Variants in DMD observed in about 807,000 individuals in gnomAD.
DMD encodes mutant dystrophin.
Under a neutral mutation model 330.1 loss-of-function variants are expected in DMD, and 63 were observed. The observed-to-expected ratio is 0.19, with a 90% CI of 0.16 to 0.24. DMD has a LOEUF of 0.24. Ranked by LOEUF, DMD falls within the 10% of genes least tolerant of loss-of-function variation. The pLI is 1.00. For synonymous variants in DMD, 1,223 were observed against 959.8 expected (o/e 1.27, Z -5.07); for missense variants, 3,344 against 2,684.1 (o/e 1.25, Z -5.43).
intron 49 of DMD, among the ~76,000 whole-genome samples, chrX:31,826,365 C>T (rs912384345): frequency 8.9e-6 from 1 of 112,399 alleles, no homozygotes; most frequent in African/African-American, 3.2e-5. Context: ...TTAGCAAATA[C>T]TTATGAAATG....
chrX:32,167,507 A>T (rs974393339), intron 44 of DMD, among the ~76,000 whole-genome samples: 1 of 112,128 alleles, frequency 8.9e-6, no homozygotes, highest in Non-Finnish European at 1.9e-5. Context: ...ATTAAAGGAG[A>T]TAAGTCTTCA....
At chrX:32,916,931 A>G (rs66655307) in intron 2 of DMD, among the ~76,000 whole-genome samples, 20,107 of 111,119 alleles carry the variant, frequency 0.18, 1,559 homozygotes, top group African/African-American at 0.29. Flanking sequence ...GGATATCCCA[A>G]TTACTCTGAT....
rs61394183 is a variant in DMD, at chrX:32,585,699, CAAAAAAAAAAAA to C, written c.1602+10046_1602+10057del. On this transcript the variant is annotated intron_variant, in intron 13 of 78. Transcript: ENST00000357033. Reference sequence around the variant, plus strand: ...TGGGTGACAGAGCAGGACTCCGTCTCAAAAAAAAAAAAAAAAAAAAAAAAAAAAAAAGAATAT... The same window carrying C: ...TGGGTGACAGAGCAGGACTCCGTCTCAAAAAAAAAAAAAAAAAAAGAATAT... 3.9e-3 allele frequency among the ~76,000 whole-genome samples: 123 copies of C among 31,930 alleles called. 2 individuals carry two copies. The highest frequency in any genetic ancestry group is 0.017 in the South Asian group (3 of 181). The allele number at this position is 31,930 out of a possible 115,157, so 27.7% of individuals were successfully genotyped here. A position where few individuals can be genotyped will look rare whatever the true frequency, so the allele number is the denominator to read the frequency against.
rs1277668048 is a variant in DMD at position 32,965,538 on chromosome X, T to C, written c.93+54601A>G. On this transcript the variant is annotated intron_variant, in intron 2 of 78. Coordinates refer to ENST00000357033, the MANE Select transcript of DMD (RefSeq NM_004006.3). Reference sequence around the variant, plus strand: ...GTGGGGTGGGGGGGTTACTTGGGAATACAGTCTGAAATGTTTAGAGTAGAA... The same window carrying C: ...GTGGGGTGGGGGGGTTACTTGGGAACACAGTCTGAAATGTTTAGAGTAGAA... Among the ~76,000 whole-genome samples the C allele has an allele frequency of 2.9e-5, 3 of 105,099 alleles. No individual in the cohort carries two copies. The Admixed American group carries it at 3.1e-4, about 11-fold the overall frequency. The allele number at this position is 105,099 out of a possible 115,157, so 91.3% of individuals were successfully genotyped here. A position where few individuals can be genotyped will look rare whatever the true frequency, so the allele number is the denominator to read the frequency against.
chrX:32,845,069 A>C (rs747950459), intron 3 of DMD, among the ~76,000 whole-genome samples: 1 of 112,055 alleles, frequency 8.9e-6, no homozygotes, highest in Non-Finnish European at 1.9e-5. Flanking sequence ...AAGAATGGCA[A>C]CACTTTTTCT....
chrX:32,674,286 A>C (rs1186726941), intron 9 of DMD, among the ~76,000 whole-genome samples: 1 of 111,752 alleles, frequency 8.9e-6, no homozygotes, highest in African/African-American at 3.2e-5. Context: ...TGGATCATAA[A>C]GACTAATTGA....
In DMD at chrX:32,438,678, T is replaced by C. The variant is rs186759577; in HGVS notation, c.3922-288A>G. 2.7e-5 allele frequency among the ~76,000 whole-genome samples: 3 copies of C among 111,549 alleles called. No individual in the cohort carries two copies. In the Admixed American group the frequency reaches 2.9e-4, roughly 11 times the overall value. On this transcript the variant is annotated intron_variant, in intron 28 of 78. Coordinates refer to ENST00000357033, the MANE Select transcript of DMD (RefSeq NM_004006.3). ...CCCCTAACTCTAAAACCAGAAGAGGTAAAACACTAAATTTCTCAACTTCTC... is the reference window on the plus strand; with the variant it reads ...CCCCTAACTCTAAAACCAGAAGAGGCAAAACACTAAATTTCTCAACTTCTC...
chrX:32,753,455 ATTTG>A (rs1389590435), intron 7 of DMD, among the ~76,000 whole-genome samples: 3 of 111,322 alleles, frequency 2.7e-5, no homozygotes, highest in African/African-American at 9.8e-5. Context: ...TACCTTAGAA[ATTTG>A]TTTTTCATAC....
At chrX:33,221,712 G>GA (rs1249476480) in intron 1 of DMD, among the ~76,000 whole-genome samples, 3 of 106,053 alleles carry the variant, frequency 2.8e-5, no homozygotes, top group Non-Finnish European at 5.9e-5. Flanking sequence ...AAAATACAAA[G>GA]AAAAAAAAAG....
Position 32,365,058 on chromosome X carries a change from C to T in DMD, c.4987G>A (p.Val1663Ile), listed in dbSNP as rs2147259228. ...LSLLNSNWIAVTSRAEEWLNL... is the reference protein window; with the variant it reads ...LSLLNSNWIAITSRAEEWLNL... The stretch of plus-strand genomic sequence containing the variant: ...AACCACTCTTCTGCTCGGGAGGTGA[C>T]AGCTATCCAGTTACTATTCAGAAGA... The change falls in exon 35 of 79, where the codon GTC becomes ATC. Residue 1663 changes from valine (V) to isoleucine (I), a missense_variant. Coordinates refer to ENST00000357033, the MANE Select transcript of DMD (RefSeq NM_004006.3). 7 of 1,210,765 alleles carry T rather than the reference C, an allele frequency of 5.8e-6. No individual in the cohort carries two copies. Among genetic ancestry groups the T allele is most frequent in the Non-Finnish European group, 7.8e-6 (7 of 895,133 alleles).
intron 7 of DMD, among the ~76,000 whole-genome samples, chrX:32,777,746 GA>G (rs1169569314): frequency 8.9e-6 from 1 of 112,374 alleles, no homozygotes; most frequent in African/African-American, 3.2e-5. Flanking sequence ...ATAAGCATTT[GA>G]AACAGCCCAA....
chrX:33,029,039 A>G (rs1332589379), intron 1 of DMD, among the ~76,000 whole-genome samples: 1 of 111,618 alleles, frequency 9.0e-6, no homozygotes, highest in African/African-American at 3.3e-5. Flanking sequence ...GGTACTTAGT[A>G]AGGGTTTGTT....
At chrX:33,075,457 T>G (rs1199896044) in intron 1 of DMD, among the ~76,000 whole-genome samples, 3 of 112,214 alleles carry the variant, frequency 2.7e-5, no homozygotes, top group Non-Finnish European at 1.9e-5. Context: ...TTCCCTTGTC[T>G]TGATAAATCA....
At chrX:32,423,816 A>G (rs2098200715) in intron 29 of DMD, among the ~76,000 whole-genome samples, 1 of 110,960 alleles carries the variant, frequency 9.0e-6, no homozygotes, top group South Asian at 3.8e-4. Flanking sequence ...GAGGGTAACT[A>G]CATTTAAAAT....
chrX:31,449,829 T>G (rs2065596526), intron 59 of DMD, among the ~76,000 whole-genome samples: 1 of 100,923 alleles, frequency 9.9e-6, no homozygotes, highest in African/African-American at 3.5e-5. Flanking sequence ...TCTGGCTATA[T>G]ATATATAAAT....
At chrX:31,138,276 A>C (rs1320837221) in intron 76 of DMD, among the ~76,000 whole-genome samples, 1 of 111,774 alleles carries the variant, frequency 8.9e-6, no homozygotes, top group Non-Finnish European at 1.9e-5. Flanking sequence ...GCAAAAGTTC[A>C]GCCAAACAAC....
chrX:32,264,752 T>G (rs1454857777), intron 43 of DMD, among the ~76,000 whole-genome samples: 1 of 111,947 alleles, frequency 8.9e-6, no homozygotes, highest in Non-Finnish European at 1.9e-5. Flanking sequence ...GGTGGCTTTT[T>G]GCCCCTGTCC....
At chrX:31,855,036 C>A (rs1742583748) in intron 48 of DMD, among the ~76,000 whole-genome samples, 1 of 112,236 alleles carries the variant, frequency 8.9e-6, no homozygotes, top group South Asian at 3.7e-4. Flanking sequence ...AATGTCTGTT[C>A]ACGGTCTGTA....
intron 44 of DMD, among the ~76,000 whole-genome samples, chrX:31,989,458 T>C (rs1253785102): frequency 1.8e-5 from 2 of 111,996 alleles, no homozygotes; most frequent in Non-Finnish European, 3.8e-5. Flanking sequence ...GCTAGATTTC[T>C]TCAGGTCAGA....
Sources: allele counts gnomAD v4.1 joint callset (sites outside exome capture counted in the v4.1 genomes callset), GRCh38; gene constraint gnomAD v4.1.1; transcripts MANE v1.5; gene names NCBI Gene and HGNC (gene_info 2026-07-23, HGNC 2026-07-21).